Variants in NEBL observed in about 807,000 individuals in gnomAD.
NEBL encodes nebulette.
Under a neutral mutation model 140.2 loss-of-function variants are expected in NEBL, and 122 were observed. The ratio of observed to expected loss-of-function variants is 0.87; its 90% CI spans 0.75 to 1.01. NEBL has a LOEUF of 1.01. Among genes scored for constraint, NEBL ranks in the 50% least tolerant of loss-of-function variants. The pLI, the probability that NEBL is intolerant of heterozygous loss-of-function variation, is 0.00. For missense variants in NEBL, 1,365 were observed against 1,231.3 expected (o/e 1.11, Z -1.62); for synonymous variants, 436 against 398.9 (o/e 1.09, Z -1.11).
intron 4 of NEBL, among the ~76,000 whole-genome samples, chr10:20,934,733 C>T (rs1305777489): frequency 6.6e-6 from 1 of 152,116 alleles, no homozygotes; most frequent in Non-Finnish European, 1.5e-5. Flanking sequence ...TTTGTAGTGT[C>T]AGAGTAAAAT....
At chr10:20,872,001 G>A (rs1029468936) in intron 5 of NEBL, among the ~76,000 whole-genome samples, 5 of 152,090 alleles carry the variant, frequency 3.3e-5, no homozygotes, top group African/African-American at 1.2e-4. Context: ...CTGTTTCTAA[G>A]TTACTACATT....
intron 3 of NEBL, among the ~76,000 whole-genome samples, chr10:21,014,916 C>G (rs975418239): frequency 6.6e-6 from 1 of 152,160 alleles, no homozygotes; most frequent in Admixed American, 6.5e-5. Context: ...CTGCAGAAAC[C>G]TGGAAGATTA....
intron 2 of NEBL, among the ~76,000 whole-genome samples, chr10:21,077,230 A>T (rs1716423620): frequency 6.6e-6 from 1 of 152,170 alleles, no homozygotes; most frequent in South Asian, 2.1e-4. Flanking sequence ...TTCAAAAAAA[A>T]TAAAAAATCA....
intron 24 of NEBL, among the ~76,000 whole-genome samples, chr10:20,810,875 C>T (rs1385429062): frequency 6.6e-6 from 1 of 152,152 alleles, no homozygotes; most frequent in Non-Finnish European, 1.5e-5. Flanking sequence ...TCTCATTTAA[C>T]ACCTAATTAA....
At chr10:20,820,149 C>T (rs1028901175) in intron 19 of NEBL, among the ~76,000 whole-genome samples, 1 of 152,176 alleles carries the variant, frequency 6.6e-6, no homozygotes, top group Admixed American at 6.5e-5. Flanking sequence ...TAGTGATAGA[C>T]TATTACTGTA....
At chr10:21,051,845 A>G (rs1339087920) in intron 2 of NEBL, among the ~76,000 whole-genome samples, 3 of 152,284 alleles carry the variant, frequency 2.0e-5, no homozygotes, top group African/African-American at 7.2e-5. Flanking sequence ...CTCAATGATC[A>G]CATTTGTTCC....
intron 3 of NEBL, among the ~76,000 whole-genome samples, chr10:20,982,467 A>G (rs11012454): frequency 0.054 from 8,275 of 152,268 alleles, 740 homozygotes; most frequent in African/African-American, 0.19. Context: ...GTACACTATA[A>G]TATCACTAAA....
chr10:21,237,909 A>G (rs1385183767), intron 3 of NEBL, among the ~76,000 whole-genome samples: 2 of 152,142 alleles, frequency 1.3e-5, no homozygotes, highest in Non-Finnish European at 2.9e-5. Flanking sequence ...ATCCAGCCAT[A>G]TCTCCCTGAT....
rs549558619 is a variant in NEBL, at chr10:21,227,653, T to TTTC, written n.348+20265_348+20267dup. On this transcript the variant is annotated intron_variant and non_coding_transcript_variant, in intron 3 of 8. Transcript: ENST00000675702. The stretch of plus-strand genomic sequence containing the variant: ...TAAGGGAATTCAAAAGCACTTGAAG[T>TTTC]TTCTTCTTCTTCTTCTTCTTCTTCT... 9.9e-3 allele frequency among the ~76,000 whole-genome samples: 828 copies of TTTC among 83,242 alleles called. 63 individuals carry two copies. Among genetic ancestry groups the TTTC allele is most frequent in the East Asian group, 0.024 (68 of 2,796 alleles). The allele number at this position is 83,242 out of a possible 152,430, so 54.6% of individuals were successfully genotyped here.
At chr10:21,237,348 G>A (rs1280922461) in intron 3 of NEBL, among the ~76,000 whole-genome samples, 1 of 151,726 alleles carries the variant, frequency 6.6e-6, no homozygotes, top group Non-Finnish European at 1.5e-5. Flanking sequence ...AAGATTACAG[G>A]CGCAAGCCAC....
intron 2 of NEBL, among the ~76,000 whole-genome samples, chr10:21,122,985 A>G (rs1175356760): frequency 2.0e-5 from 3 of 152,152 alleles, no homozygotes; most frequent in African/African-American, 7.2e-5. Flanking sequence ...CATAGAAGAT[A>G]CTCAGTAAAA....
chr10:21,215,997 G>T (rs886616127), intron 3 of NEBL, among the ~76,000 whole-genome samples: 1 of 152,138 alleles, frequency 6.6e-6, no homozygotes, highest in Non-Finnish European at 1.5e-5. Flanking sequence ...AGCTCTACTT[G>T]TTCCTCCTTC....
chr10:20,813,883 G>T, intron 23 of NEBL, 56 bp downstream of exon 23: 1 of 1,090,954 alleles, frequency 9.2e-7, no homozygotes, highest in Non-Finnish European at 1.4e-6. Flanking sequence ...TGCCATCCGT[G>T]CACTGGATCC....
intron 2 of NEBL, among the ~76,000 whole-genome samples, chr10:21,090,984 AC>A (rs1261235992): frequency 6.8e-6 from 1 of 147,530 alleles, no homozygotes; most frequent in African/African-American, 2.5e-5. Flanking sequence ...TCCCACCACC[AC>A]CCACCCAGCC....
intron 4 of NEBL, among the ~76,000 whole-genome samples, chr10:20,932,353 A>G (rs1834234267): frequency 6.6e-6 from 1 of 151,310 alleles, no homozygotes; most frequent in African/African-American, 2.4e-5. Context: ...CTCACTCACA[A>G]GTGGGAGTTA....
rs973359814 is a variant in NEBL, at chr10:21,089,566, C to T, written c.165-69365G>A. On this transcript the variant is annotated intron_variant, in intron 2 of 6. Coordinates refer to the NEBL transcript ENST00000417816. ...GAGAGACCGAGAAGGAGGAGACTGA[C>T]GGGGAGCCACTGAATTCACTCAAAA... 5.3e-5 allele frequency among the ~76,000 whole-genome samples: 8 copies of T among 151,930 alleles called. No homozygotes were observed. In the East Asian group the frequency reaches 7.7e-4, roughly 15 times the overall value.
At chr10:21,136,032 GC>G (rs778805563) in intron 2 of NEBL, among the ~76,000 whole-genome samples, 1 of 152,186 alleles carries the variant, frequency 6.6e-6, no homozygotes, top group African/African-American at 2.4e-5. Context: ...AACACCTTCA[GC>G]TGTTCAACCA....
chr10:21,087,292 G>A (rs899762064), intron 2 of NEBL, among the ~76,000 whole-genome samples: 5 of 152,148 alleles, frequency 3.3e-5, no homozygotes, highest in South Asian at 2.1e-4. Context: ...TCATGATCTC[G>A]TTTTGACTTT....
intron 2 of NEBL, among the ~76,000 whole-genome samples, chr10:21,133,964 C>T (rs530230877): frequency 6.6e-5 from 10 of 152,296 alleles, no homozygotes; most frequent in South Asian, 6.2e-4. Flanking sequence ...GGCTTACTTA[C>T]GCCTGTAATC....
Sources: allele counts gnomAD v4.1 joint callset (sites outside exome capture counted in the v4.1 genomes callset), GRCh38; gene constraint gnomAD v4.1.1; transcripts MANE v1.5; gene names NCBI Gene and HGNC (gene_info 2026-07-23, HGNC 2026-07-21).